Variants in POM121 observed in about 807,000 individuals in gnomAD.
POM121 encodes nuclear envelope pore membrane protein POM 121.
In POM121, 32 loss-of-function variants were observed where a neutral mutation model predicts 81.3. The observed-to-expected ratio is 0.39, with a 90% CI of 0.30 to 0.53. The LOEUF (loss-of-function observed/expected upper bound fraction) is 0.53. Ranked by LOEUF, POM121 falls within the 20% of genes least tolerant of loss-of-function variation. The probability of loss-of-function intolerance (pLI) is 0.66; values close to 1 mark genes in which losing one functional copy is unlikely to be tolerated. For missense variants in POM121, 1,138 were observed against 1,614.6 expected (o/e 0.70, Z 5.06); for synonymous variants, 514 against 694.2 (o/e 0.74, Z 4.08).
Position 72,925,194 on chromosome 7 carries a change from G to T in POM121, c.73G>T (p.Gly25Cys), listed in dbSNP as rs1795259780. 5.3e-6 allele frequency: 8 copies of T among 1,519,836 alleles called. No homozygotes were observed. Among genetic ancestry groups the T allele is most frequent in the Non-Finnish European group, 7.0e-6 (8 of 1,140,320 alleles). 94.1% of individuals were successfully genotyped at this position (1,519,836 alleles called of 1,614,324 possible). A position where few individuals can be genotyped will look rare whatever the true frequency, so the allele number is the denominator to read the frequency against. ...CATAGCGAGTGTCAGGGACGGCCGGGGCCGGGGCTGCGGCGGGCCGGCCAG... is the reference window on the plus strand; with the variant it reads ...CATAGCGAGTGTCAGGGACGGCCGGTGCCGGGGCTGCGGCGGGCCGGCCAG... ...RPIASVRDGR[G>C]RGCGGPARAV... The change falls in exon 1 of 13, where the codon GGC becomes TGC. Residue 25 changes from glycine (G) to cysteine (C), a missense_variant. Gly to Cys is a radical substitution (Grantham distance 159). Transcript: ENST00000434423.
rs1482282422 is a variant in POM121 at position 72,926,560 on chromosome 7, C to A, written c.860+83C>A. ...AGTTGTTCCTATGACATGACTACAA[C>A]GCAGAAAAGAAAGGACGAAGCTGCT... On this transcript the variant is annotated intron_variant, in intron 2 of 12. Transcript: ENST00000434423. 6.9e-6 allele frequency: 11 copies of A among 1,586,252 alleles called. No homozygotes were observed. In the Admixed American group the frequency reaches 1.6e-4, roughly 23 times the overall value.
intron 6 of POM121, among the ~76,000 whole-genome samples, 157 bp downstream of exon 6, chr7:72,938,838 A>C (rs576805856): frequency 2.6e-5 from 4 of 152,352 alleles, no homozygotes; most frequent in African/African-American, 9.6e-5. Context: ...ACCCACCCGA[A>C]GTGCTGTCAT....
intron 1 of POM121, among the ~76,000 whole-genome samples, chr7:72,882,804 C>T (rs543200390): frequency 3.3e-5 from 5 of 152,282 alleles, no homozygotes; most frequent in Admixed American, 2.6e-4. Flanking sequence ...TCAGTGTTTT[C>T]GTTTTGTCCT....
At chr7:72,893,846 C>G (rs1424724810) in intron 3 of POM121, among the ~76,000 whole-genome samples, 1 of 152,180 alleles carries the variant, frequency 6.6e-6, no homozygotes, top group Non-Finnish European at 1.5e-5. Context: ...TTCGATGAAA[C>G]TCAGTCTTCC....
chr7:72,935,569 C>T (rs1796432175), intron 5 of POM121, among the ~76,000 whole-genome samples: 1 of 152,080 alleles, frequency 6.6e-6, no homozygotes, highest in Non-Finnish European at 1.5e-5. Flanking sequence ...CAGCCTCCAC[C>T]TGCTGGGTTC....
At position 72,946,309 on chromosome 7, in the gene POM121, G is replaced by T; in HGVS notation, c.*75G>T. 6.4e-7 allele frequency: 1 copy of T among 1,566,994 alleles called. No homozygotes were observed. The highest frequency in any genetic ancestry group is 8.6e-7 in the Non-Finnish European group (1 of 1,157,572). Reference sequence around the variant, plus strand: ...TTGGCACCTGCTAGGAAGAGCCTTGGACCCTTCCAGTTGCGTAAAGCAAAC... The same window carrying T: ...TTGGCACCTGCTAGGAAGAGCCTTGTACCCTTCCAGTTGCGTAAAGCAAAC... On this transcript the variant is annotated 3_prime_UTR_variant, in exon 13 of 13. Transcript: ENST00000434423.
At position 72,896,915 on chromosome 7, in the gene POM121, T is replaced by C. The variant is rs1247388133; in HGVS notation, c.-216+5805T>C. The stretch of plus-strand genomic sequence containing the variant: ...TTATACACTTTATTGCAGGAAAAGA[T>C]GGACACTAAAATATATGTGTCAAGG... On this transcript the variant is annotated intron_variant, in intron 3 of 15. Transcript: ENST00000395270. 2.0e-5 allele frequency among the ~76,000 whole-genome samples: 3 copies of C among 152,294 alleles called. No homozygotes were observed. The East Asian group carries it at 5.8e-4, about 29-fold the overall frequency.
chr7:72,923,630 C>A (rs1476004807), upstream of POM121, among the ~76,000 whole-genome samples: 1 of 111,518 alleles, frequency 9.0e-6, no homozygotes, highest in East Asian at 2.8e-4. Flanking sequence ...GACGGAGTCT[C>A]GCTCTGTCGC....
intron 5 of POM121, among the ~76,000 whole-genome samples, chr7:72,937,806 C>A (rs1360570084): frequency 1.3e-5 from 2 of 151,730 alleles, no homozygotes; most frequent in African/African-American, 4.9e-5. Context: ...AAAACACCGT[C>A]TTTGCTGTCA....
intron 5 of POM121, among the ~76,000 whole-genome samples, chr7:72,931,750 T>C (rs1396033145): frequency 3.9e-5 from 6 of 152,120 alleles, no homozygotes; most frequent in Non-Finnish European, 8.8e-5. Flanking sequence ...TTTGTATTTT[T>C]AGTAGAGACG....
chr7:72,893,952 C>T (rs1274859021), intron 3 of POM121, among the ~76,000 whole-genome samples: 1 of 152,152 alleles, frequency 6.6e-6, no homozygotes, highest in Non-Finnish European at 1.5e-5. Flanking sequence ...GCCCCCTCCC[C>T]CTGCCCCCGT....
intron 1 of POM121, among the ~76,000 whole-genome samples, chr7:72,886,237 T>G (rs1299095182): frequency 1.8e-4 from 28 of 152,072 alleles, no homozygotes; most frequent in African/African-American, 3.1e-4. Context: ...GCAGGGGTGC[T>G]ATCTTGGCCC....
At chr7:72,931,551 T>G (rs1316881783) in intron 5 of POM121, among the ~76,000 whole-genome samples, 2 of 152,162 alleles carry the variant, frequency 1.3e-5, no homozygotes, top group Non-Finnish European at 2.9e-5. Context: ...TATAATTACT[T>G]TGATCCTAGT....
Position 72,925,682 on chromosome 7 carries a change from C to T in POM121, c.561C>T (p.Pro187=). The T allele has an allele frequency of 8.3e-7, 1 of 1,202,526 alleles. No individual in the cohort carries two copies. The highest frequency in any genetic ancestry group is 1.0e-6 in the Non-Finnish European group (1 of 965,124). 74.5% of individuals were successfully genotyped at this position (1,202,526 alleles called of 1,614,324 possible). Residue 187 remains proline (P), a synonymous_variant, in exon 1 of 13, where the codon CCC becomes CCT. Transcript: ENST00000434423. The part of the protein sequence containing the change: ...PRSPPPRSPP[P]SPPTHRAHHV... Reference sequence around the variant, plus strand: ...CCCCACCGCCGCGCTCCCCCCCGCCCTCCCCGCCGACCCATCGCGCTCACC... The same window carrying T: ...CCCCACCGCCGCGCTCCCCCCCGCCTTCCCCGCCGACCCATCGCGCTCACC...
At chr7:72,909,437 A>G (rs1384236713) in intron 3 of POM121, among the ~76,000 whole-genome samples, 1 of 152,134 alleles carries the variant, frequency 6.6e-6, no homozygotes, top group Non-Finnish European at 1.5e-5. Context: ...AATAAGTTTT[A>G]ACTTTATCCT....
At position 72,939,952 on chromosome 7, in the gene POM121, G is replaced by T. The variant is rs202048405; in HGVS notation, c.1547G>T (p.Gly516Val). The T allele has an allele frequency of 6.2e-7, 1 of 1,604,272 alleles. No homozygotes were observed. The highest frequency in any genetic ancestry group is 8.5e-7 in the Non-Finnish European group (1 of 1,174,880). ...GTTCAGCTGCTGCCTTCTCGGCGAG[G>T]GGAACAGCTGACCTTGGTATGGTCT... is the stretch of plus-strand genomic sequence containing the variant. ...RKVQLLPSRR[G>V]EQLTLPPPPQ... Residue 516 changes from glycine to valine, a missense_variant, in exon 8 of 13, where the codon GGG becomes GTG. Coordinates refer to ENST00000434423, the MANE Select transcript of POM121 (RefSeq NM_001387691.1).
chr7:72,935,140 A>G (rs1272465028), intron 5 of POM121, among the ~76,000 whole-genome samples: 1 of 151,424 alleles, frequency 6.6e-6, no homozygotes, highest in African/African-American at 2.4e-5. Context: ...GACCTTGTTT[A>G]CTTCTAATCT....
In POM121 at chr7:72,948,286, T is replaced by C. The variant is rs782578874; in HGVS notation, c.*2052T>C. Reference sequence around the variant, plus strand: ...GCTTGTGACATTAAGAATAAAAAACTGTGATCTATCGTAGAGTACGTTCTG... The same window carrying C: ...GCTTGTGACATTAAGAATAAAAAACCGTGATCTATCGTAGAGTACGTTCTG... On this transcript the variant is annotated 3_prime_UTR_variant, in exon 13 of 13. Coordinates refer to ENST00000434423, the MANE Select transcript of POM121 (RefSeq NM_001387691.1). The C allele has an allele frequency of 6.6e-7, 1 of 1,522,166 alleles. No homozygotes were observed. The highest frequency in any genetic ancestry group is 8.8e-7 in the Non-Finnish European group (1 of 1,135,726). 94.3% of individuals were successfully genotyped at this position (1,522,166 alleles called of 1,614,324 possible).
intron 3 of POM121, among the ~76,000 whole-genome samples, chr7:72,896,766 C>T (rs1246573297): frequency 6.6e-6 from 1 of 151,968 alleles, no homozygotes; most frequent in Non-Finnish European, 1.5e-5. Flanking sequence ...ACGAAGTGTT[C>T]ATTTCCTACT....
Sources: allele counts gnomAD v4.1 joint callset (sites outside exome capture counted in the v4.1 genomes callset), GRCh38; gene constraint gnomAD v4.1.1; transcripts MANE v1.5; gene names NCBI Gene and HGNC (gene_info 2026-07-23, HGNC 2026-07-21).